Variants in ATIC observed in about 807,000 individuals in gnomAD.
The protein encoded by ATIC is bifunctional purine biosynthesis protein ATIC.
ATIC carries 64 observed loss-of-function variants against 72.5 expected under a neutral mutation model. The ratio of observed to expected loss-of-function variants is 0.88; its 90% CI spans 0.72 to 1.09. The LOEUF (loss-of-function observed/expected upper bound fraction) is 1.09, where lower values mean the gene tolerates loss of function less well. ATIC is among the 50% of genes least tolerant of loss of function. The pLI, the probability that ATIC is intolerant of heterozygous loss-of-function variation, is 0.00. For synonymous variants in ATIC, 281 were observed against 267.1 expected, an observed-to-expected ratio of 1.05 and a Z score of -0.51; for missense variants, 787 against 732.4, an observed-to-expected ratio of 1.07 and a Z score of -0.86.
chr2:215,322,782 A>T (rs941989013), intron 4 of ATIC, among the ~76,000 whole-genome samples: 6 of 152,148 alleles, frequency 3.9e-5, no homozygotes, highest in African/African-American at 1.4e-4. Flanking sequence ...TCATTTGTTG[A>T]AAAGACTGTT....
intron 7 of ATIC, among the ~76,000 whole-genome samples, chr2:215,330,327 T>C (rs2052877183): frequency 6.6e-6 from 1 of 152,224 alleles, no homozygotes; most frequent in African/African-American, 2.4e-5. Flanking sequence ...TTGGGGGAAT[T>C]ATTTTTTCAA....
intron 7 of ATIC, among the ~76,000 whole-genome samples, chr2:215,328,117 G>T (rs1031796726): frequency 3.3e-5 from 5 of 151,814 alleles, no homozygotes; most frequent in African/African-American, 1.2e-4. Context: ...CAAGTTATCT[G>T]CCTATCTCAG....
the ATIC span, chr2:215,363,410 C>G: frequency 6.6e-6 from 1 of 151,952 alleles, no homozygotes; most frequent in African/African-American, 2.4e-5. Flanking sequence ...GAGAGAGATA[C>G]TGAATTCAAT....
chr2:215,364,904 G>A, the ATIC span: 20 of 1,566,454 alleles, frequency 1.3e-5, no homozygotes, highest in Non-Finnish European at 1.6e-5. Context: ...GCATGTGCAG[G>A]AGCAAATGGC....
chr2:215,325,073 CT>C, intron 4 of ATIC, 167 bp from the exon 5 acceptor site: 1 of 601,120 alleles, frequency 1.7e-6, no homozygotes, highest in Non-Finnish European at 3.0e-6. Flanking sequence ...GACACCCTGA[CT>C]TTTTAACACA....
At chr2:215,324,636 T>A (rs2052802826) in intron 4 of ATIC, among the ~76,000 whole-genome samples, 2 of 152,234 alleles carry the variant, frequency 1.3e-5, no homozygotes, top group Non-Finnish European at 2.9e-5. Flanking sequence ...CCCGTAGAGC[T>A]CCTCGCACTA....
chr2:215,322,956 T>C (rs531061899), intron 4 of ATIC, among the ~76,000 whole-genome samples: 4 of 152,232 alleles, frequency 2.6e-5, no homozygotes, highest in African/African-American at 9.6e-5. Context: ...TGTTTTGTTT[T>C]GTTTTTGAGA....
At chr2:215,327,445 T>C (rs1485741042) in intron 7 of ATIC, among the ~76,000 whole-genome samples, 1 of 152,164 alleles carries the variant, frequency 6.6e-6, no homozygotes, top group African/African-American at 2.4e-5. Context: ...AGAAGCCCAA[T>C]TGAAGTAGGC....
intron 2 of ATIC, 100 bp downstream of exon 2, chr2:215,312,724 C>T (rs1318189968): frequency 6.4e-7 from 1 of 1,557,736 alleles, no homozygotes; most frequent in Non-Finnish European, 8.8e-7. Flanking sequence ...TTACTCCTCC[C>T]AGTAGCGCTG....
intron 7 of ATIC, among the ~76,000 whole-genome samples, chr2:215,328,172 C>T (rs559050719): frequency 6.6e-6 from 1 of 152,260 alleles, no homozygotes; most frequent in South Asian, 2.1e-4. Flanking sequence ...CCACACCTGG[C>T]CTCAGATCTC....
chr2:215,312,430 C>T (rs2052663528), intron 1 of ATIC, 68 bp from the exon 2 acceptor site: 7 of 1,613,088 alleles, frequency 4.3e-6, no homozygotes, highest in Non-Finnish European at 4.2e-6. Flanking sequence ...CCCCCAGACC[C>T]TCCCAAGGCC....
chr2:215,336,976 T>C (rs2052962586), intron 11 of ATIC, among the ~76,000 whole-genome samples: 1 of 152,234 alleles, frequency 6.6e-6, no homozygotes, highest in Non-Finnish European at 1.5e-5. Context: ...AATGTAGTTT[T>C]AACATTGTGT....
the ATIC span, among the ~76,000 whole-genome samples, chr2:215,363,896 T>G: frequency 6.6e-6 from 1 of 152,210 alleles, no homozygotes; most frequent in Admixed American, 6.5e-5. Flanking sequence ...AGGCCCTCCA[T>G]AAGCCACTTC....
the ATIC span, among the ~76,000 whole-genome samples, chr2:215,358,493 T>C: frequency 6.6e-6 from 1 of 152,182 alleles, no homozygotes; most frequent in Non-Finnish European, 1.5e-5. Context: ...ACAAACTGTT[T>C]AGCTGGGAGC....
At chr2:215,313,198 CTT>C (rs1044984043) in intron 2 of ATIC, among the ~76,000 whole-genome samples, 5 of 152,234 alleles carry the variant, frequency 3.3e-5, no homozygotes, top group African/African-American at 1.2e-4. Context: ...GGACACTAGT[CTT>C]AGCCCCTTCC....
At position 215,349,095 on chromosome 2, in the gene ATIC, A is replaced by T. The variant is rs1261163915; in HGVS notation, c.1505A>T (p.Asp502Val). The change falls in exon 15 of 16, where the codon GAT becomes GTT. Residue 502 changes from aspartate (D) to valine (V), a missense_variant and splice_region_variant. Asp to Val is a radical substitution (Grantham distance 152). Coordinates refer to ENST00000236959, the MANE Select transcript of ATIC (RefSeq NM_004044.7). ...CTTCCTTTCTCTCTCCCCGCATAGG[A>T]TGAAGATTTGATAAAGTGGAAGGCA... ...DQYVTGTIGE[D>V]EDLIKWKALF... 1 of 1,614,120 alleles carries T rather than the reference A, an allele frequency of 6.2e-7. No individual in the cohort carries two copies. Among genetic ancestry groups the T allele is most frequent in the South Asian group, 1.1e-5 (1 of 91,080 alleles).
the ATIC span, among the ~76,000 whole-genome samples, chr2:215,358,635 A>T: frequency 5.1e-3 from 779 of 152,366 alleles, 6 homozygotes; most frequent in African/African-American, 0.018. Context: ...AGTACAAAAG[A>T]AAGTTTCATC....
At chr2:215,354,943 T>A in the ATIC span, among the ~76,000 whole-genome samples, 2 of 151,844 alleles carry the variant, frequency 1.3e-5, no homozygotes, top group African/African-American at 4.8e-5. Context: ...AAGGACAGGA[T>A]TGAATGAACC....
At chr2:215,349,351 A>G in intron 15 of ATIC, 102 bp downstream of exon 15, 1 of 1,583,304 alleles carries the variant, frequency 6.3e-7, no homozygotes, top group Non-Finnish European at 8.6e-7. Flanking sequence ...AAAGTGATAC[A>G]GATCAGTAAT....
Sources: gnomAD v4.1 joint callset for allele counts (sites outside exome capture counted in the v4.1 genomes callset) on GRCh38, gnomAD v4.1.1 for gene constraint, MANE v1.5 for transcripts, NCBI Gene and HGNC (gene_info 2026-07-23, HGNC 2026-07-21) for gene names.